EXT1: variants seen among roughly 807,000 people sequenced by gnomAD.
The protein encoded by EXT1 is exostosin-1.
A neutral mutation model predicts 82.5 loss-of-function variants in EXT1; 20 were observed. That is an observed-to-expected ratio of 0.24 (90% CI 0.17 to 0.35). EXT1 has a LOEUF of 0.35. Ranked by LOEUF, EXT1 falls within the 10% of genes least tolerant of loss-of-function variation. The pLI is 1.00. For synonymous variants in EXT1, 348 were observed against 350.8 expected, an observed-to-expected ratio of 0.99 and a Z score of 0.09; for missense variants, 757 against 936.5, an observed-to-expected ratio of 0.81 and a Z score of 2.50.
intron 1 of EXT1, among the ~76,000 whole-genome samples, chr8:118,080,907 T>A (rs1817308827): frequency 1.3e-5 from 2 of 152,142 alleles, no homozygotes; most frequent in African/African-American, 4.8e-5. Flanking sequence ...ATGTCTCAGC[T>A]TCCTCATAAC....
intron 1 of EXT1, among the ~76,000 whole-genome samples, chr8:117,875,987 C>T (rs562028747): frequency 1.3e-5 from 2 of 152,220 alleles, no homozygotes; most frequent in South Asian, 4.1e-4. Context: ...TTCCTTAGAA[C>T]CTAAAGAACA....
chr8:117,861,539 G>C (rs1205697576), intron 1 of EXT1, among the ~76,000 whole-genome samples: 1 of 122,206 alleles, frequency 8.2e-6, no homozygotes, highest in East Asian at 2.3e-4. Context: ...CTGTCACCCA[G>C]GCTGGAGGGC....
chr8:117,877,842 A>C (rs1192013937), intron 1 of EXT1, among the ~76,000 whole-genome samples: 1 of 145,622 alleles, frequency 6.9e-6, no homozygotes, highest in Admixed American at 6.6e-5. Context: ...TCTGTTAAAC[A>C]ACAAGTTTTA....
intron 9 of EXT1, 98 bp downstream of exon 9, chr8:117,807,119 C>G: frequency 1.4e-6 from 2 of 1,466,548 alleles, no homozygotes; most frequent in Non-Finnish European, 1.9e-6. Flanking sequence ...TAATTTTCCT[C>G]AATGCTGTTA....
chr8:118,026,779 T>A (rs913214312), intron 1 of EXT1, among the ~76,000 whole-genome samples: 1 of 152,190 alleles, frequency 6.6e-6, no homozygotes, highest in Admixed American at 6.5e-5. Context: ...CTGGGCCATG[T>A]CCAGCTCCTT....
At chr8:117,835,273 G>C (rs1297431783) in intron 3 of EXT1, among the ~76,000 whole-genome samples, 171 bp downstream of exon 3, 1 of 152,146 alleles carries the variant, frequency 6.6e-6, no homozygotes, top group Non-Finnish European at 1.5e-5. Flanking sequence ...GATTTTGTTG[G>C]AAAGTGAACA....
At chr8:117,969,882 A>AG (rs1814903562) in intron 1 of EXT1, among the ~76,000 whole-genome samples, 1 of 152,228 alleles carries the variant, frequency 6.6e-6, no homozygotes, top group Non-Finnish European at 1.5e-5. Context: ...TATTGAACGT[A>AG]GGGTCACTGA....
chr8:117,835,696 CTTTT>C (rs139708631), intron 2 of EXT1, 145 bp from the exon 3 acceptor site: 12 of 682,476 alleles, frequency 1.8e-5, no homozygotes, highest in African/African-American at 1.6e-4. Context: ...GGAAAGGAAG[CTTTT>C]ATGAGTTATC....
In EXT1 at chr8:118,007,244, C is replaced by A. The variant is rs932861608; in HGVS notation, c.962+102841G>T. Among the ~76,000 whole-genome samples the A allele has an allele frequency of 2.0e-5, 3 of 152,090 alleles. No individual in the cohort carries two copies. The East Asian group carries it at 5.8e-4, about 29-fold the overall frequency. ...CCCAGGAGGCGGAGCTTGCAGTGAG[C>A]TGAGATCGCGCCACTGCACTCCAAC... is the stretch of plus-strand genomic sequence containing the variant. On this transcript the variant is annotated intron_variant, in intron 1 of 10. Coordinates refer to ENST00000378204, the MANE Select transcript of EXT1 (RefSeq NM_000127.3).
chr8:117,841,685 A>G (rs1812277639), intron 1 of EXT1, among the ~76,000 whole-genome samples: 1 of 152,220 alleles, frequency 6.6e-6, no homozygotes, highest in Admixed American at 6.5e-5. Context: ...GAATTTTCAC[A>G]AACGACTACA....
intron 1 of EXT1, among the ~76,000 whole-genome samples, chr8:117,876,570 G>T (rs1812973109): frequency 6.6e-6 from 1 of 152,070 alleles, no homozygotes; most frequent in South Asian, 2.1e-4. Flanking sequence ...TTTGAAAAAA[G>T]AATTTTCTAC....
chr8:117,796,955 G>A lies in EXT1; in HGVS notation c.*2757C>T, dbSNP rs996615972. 18 of 152,222 alleles carry A rather than the reference G, an allele frequency of 1.2e-4. No homozygotes were observed. The highest frequency in any genetic ancestry group is 2.2e-4 in the Non-Finnish European group (15 of 68,046). 9.4% of individuals were successfully genotyped at this position (152,222 alleles called of 1,614,324 possible). On this transcript the variant is annotated 3_prime_UTR_variant, in exon 11 of 11. Coordinates refer to ENST00000378204, the MANE Select transcript of EXT1 (RefSeq NM_000127.3). ...AGATGCTGTGTGGAAATCCATAAGT[G>A]GCTGAGTCCTCTTTGGAATTTCTGC...
chr8:118,096,393 C>A (rs1221896941), intron 1 of EXT1, among the ~76,000 whole-genome samples: 2 of 152,106 alleles, frequency 1.3e-5, no homozygotes, highest in Non-Finnish European at 2.9e-5. Context: ...GACGCTGAGG[C>A]AGGCGGATCA....
intron 1 of EXT1, among the ~76,000 whole-genome samples, chr8:118,109,222 TAC>T (rs1209523591): frequency 6.6e-6 from 1 of 151,830 alleles, no homozygotes; most frequent in Non-Finnish European, 1.5e-5. Context: ...CTTGCCTCAC[TAC>T]AGAGGGTAAG....
chr8:118,025,473 G>T (rs1816186556), intron 1 of EXT1, among the ~76,000 whole-genome samples: 1 of 152,148 alleles, frequency 6.6e-6, no homozygotes. Flanking sequence ...TGCCCCACCG[G>T]ATATACCTTG....
chr8:117,831,319 C>CCTAATGATGA (rs1273795600), intron 3 of EXT1, among the ~76,000 whole-genome samples: 11 of 152,166 alleles, frequency 7.2e-5, no homozygotes, highest in South Asian at 6.2e-4. Flanking sequence ...TATATAAGTG[C>CCTAATGATGA]TTAGCACAGT....
intron 1 of EXT1, among the ~76,000 whole-genome samples, chr8:117,884,338 A>T (rs1265797924): frequency 6.6e-6 from 1 of 152,174 alleles, no homozygotes; most frequent in Non-Finnish European, 1.5e-5. Context: ...CTTTGGTGTC[A>T]TTGCTTGGGA....
rs1228693349 is a variant in EXT1 at position 118,111,568 on chromosome 8, C to T, written c.-522G>A. On this transcript the variant is annotated 5_prime_UTR_variant, in exon 1 of 11. Transcript: ENST00000378204. Reference sequence around the variant, plus strand: ...TTCAGCCGGCTAGTGCATCTTGCAGCTGGGGCGCCGTAACCTCACAAATCC... The same window carrying T: ...TTCAGCCGGCTAGTGCATCTTGCAGTTGGGGCGCCGTAACCTCACAAATCC... 9.3e-6 allele frequency: 4 copies of T among 431,928 alleles called. No homozygotes were observed. The Admixed American group carries it at 1.2e-4, about 12-fold the overall frequency. The allele number at this position is 431,928 out of a possible 1,614,324, so 26.8% of individuals were successfully genotyped here.
chr8:118,103,145 C>T (rs1211214980), intron 1 of EXT1, among the ~76,000 whole-genome samples: 1 of 152,044 alleles, frequency 6.6e-6, no homozygotes, highest in Non-Finnish European at 1.5e-5. Context: ...AAGAGGGAAA[C>T]TCTGTCTCAA....
Sources: gnomAD v4.1 joint callset for allele counts (sites outside exome capture counted in the v4.1 genomes callset) on GRCh38, gnomAD v4.1.1 for gene constraint, MANE v1.5 for transcripts, NCBI Gene and HGNC (gene_info 2026-07-23, HGNC 2026-07-21) for gene names.